The following KSR2 variants were observed in gnomAD, a reference collection of about 807,000 sequenced individuals.
KSR2 encodes kinase suppressor of ras 2.
Under a neutral mutation model 107.8 loss-of-function variants are expected in KSR2, and 25 were observed. That is an observed-to-expected ratio of 0.23 (90% CI 0.17 to 0.32). KSR2 has a LOEUF of 0.32. Ranked by LOEUF, KSR2 falls within the 10% of genes least tolerant of loss-of-function variation. KSR2 has a pLI of 1.00. For missense variants in KSR2, 887 were observed against 1,268.9 expected, an observed-to-expected ratio of 0.70 and a Z score of 4.57; for synonymous variants, 480 against 507.0, an observed-to-expected ratio of 0.95 and a Z score of 0.71.
At chr12:117,718,157 T>C (rs1887070077) in intron 4 of KSR2, among the ~76,000 whole-genome samples, 2 of 152,254 alleles carry the variant, frequency 1.3e-5, no homozygotes, top group African/African-American at 2.4e-5. Context: ...TTTTATGACT[T>C]TCAATTCATA....
At chr12:117,719,278 T>A (rs1320201214) in intron 4 of KSR2, among the ~76,000 whole-genome samples, 1 of 152,120 alleles carries the variant, frequency 6.6e-6, no homozygotes, top group Non-Finnish European at 1.5e-5. Context: ...CACTGCAACC[T>A]CTACCTCCCA....
rs577647443 is a variant in KSR2 at position 117,507,092 on chromosome 12, T to C, written c.2219+17760A>G. 4.6e-5 allele frequency among the ~76,000 whole-genome samples: 7 copies of C among 152,320 alleles called. No homozygotes were observed. The South Asian group carries it at 1.5e-3, about 32-fold the overall frequency. The stretch of plus-strand genomic sequence containing the variant: ...TCATTAAAATCCACCTGAAACACTA[T>C]TTGCCCCTCACATCTGCTTTGCATT... On this transcript the variant is annotated intron_variant, in intron 14 of 19. Coordinates refer to ENST00000339824, the MANE Select transcript of KSR2 (RefSeq NM_173598.6).
At chr12:117,786,589 G>A (rs573403806) in intron 3 of KSR2, among the ~76,000 whole-genome samples, 1 of 152,152 alleles carries the variant, frequency 6.6e-6, no homozygotes, top group Non-Finnish European at 1.5e-5. Context: ...GCCGAGGCAG[G>A]CAGATCCCCT....
At chr12:117,641,375 A>G (rs562416270) in intron 5 of KSR2, among the ~76,000 whole-genome samples, 112 of 152,024 alleles carry the variant, frequency 7.4e-4, no homozygotes, top group African/African-American at 2.6e-3. Context: ...AGAAGTTTTT[A>G]TTTTTCAAGG....
intron 2 of KSR2, among the ~76,000 whole-genome samples, chr12:117,858,315 A>G (rs1893167788): frequency 6.6e-6 from 1 of 152,202 alleles, no homozygotes; most frequent in African/African-American, 2.4e-5. Context: ...GCCCTGAGCC[A>G]TGCAAATACA....
chr12:117,831,890 C>A (rs992333294), intron 3 of KSR2, among the ~76,000 whole-genome samples: 1 of 152,196 alleles, frequency 6.6e-6, no homozygotes, highest in African/African-American at 2.4e-5. Flanking sequence ...AAGATGTCAT[C>A]ATCCCTTGAC....
rs549567500 is a variant in KSR2 at position 117,845,682 on chromosome 12, CT to C, written c.472+9745del. On this transcript the variant is annotated intron_variant, in intron 3 of 19. Coordinates refer to ENST00000339824, the MANE Select transcript of KSR2 (RefSeq NM_173598.6). ...AGCGGAACTGAGACTCTTTTTCTTT[CT>C]TTTTTTTTTTTTCCTGAGACAGGGT... Among the ~76,000 whole-genome samples the C allele has an allele frequency of 8.6e-3, 1,241 of 143,542 alleles. 10 individuals carry two copies. Among genetic ancestry groups the C allele is most frequent in the South Asian group, 0.028 (126 of 4,508 alleles). The allele number at this position is 143,542 out of a possible 152,430, so 94.2% of individuals were successfully genotyped here. A position where few individuals can be genotyped will look rare whatever the true frequency, so the allele number is the denominator to read the frequency against.
intron 3 of KSR2, among the ~76,000 whole-genome samples, chr12:117,847,594 G>A (rs374353412): frequency 2.6e-5 from 4 of 152,202 alleles, no homozygotes; most frequent in African/African-American, 9.7e-5. Flanking sequence ...TGCAGCCAGA[G>A]TGTTATTTAA....
chr12:117,729,180 C>G (rs1002583744), intron 4 of KSR2, among the ~76,000 whole-genome samples: 2 of 151,352 alleles, frequency 1.3e-5, no homozygotes, highest in African/African-American at 4.9e-5. Context: ...AGAATCAGTG[C>G]CCCTCGGGAG....
At chr12:117,876,360 C>T (rs1248971306) in intron 1 of KSR2, among the ~76,000 whole-genome samples, 1 of 152,214 alleles carries the variant, frequency 6.6e-6, no homozygotes, top group Non-Finnish European at 1.5e-5. Flanking sequence ...GCCCTGGATC[C>T]CAATGAGAAC....
chr12:117,793,707 C>T (rs1423842522), intron 3 of KSR2, among the ~76,000 whole-genome samples: 1 of 148,026 alleles, frequency 6.8e-6, no homozygotes, highest in African/African-American at 2.5e-5. Context: ...AACATGCACA[C>T]ACCATGCACA....
At chr12:117,625,541 C>G (rs1882446364) in intron 5 of KSR2, among the ~76,000 whole-genome samples, 1 of 152,290 alleles carries the variant, frequency 6.6e-6, no homozygotes, top group African/African-American at 2.4e-5. Context: ...CCTCACATCT[C>G]CGGGATGAAG....
chr12:117,802,371 CATTT>C (rs895820981), intron 3 of KSR2, among the ~76,000 whole-genome samples: 51 of 152,280 alleles, frequency 3.3e-4, no homozygotes, highest in African/African-American at 9.9e-4. Context: ...CAACATCCTT[CATTT>C]AATGACATTT....
intron 4 of KSR2, among the ~76,000 whole-genome samples, chr12:117,738,810 G>A (rs896908429): frequency 1.3e-5 from 2 of 152,182 alleles, no homozygotes; most frequent in Non-Finnish European, 2.9e-5. Flanking sequence ...AGGAGGCAGA[G>A]TTTGCAGGGA....
chr12:117,529,739 A>G (rs1309384662), intron 12 of KSR2, among the ~76,000 whole-genome samples: 1 of 151,140 alleles, frequency 6.6e-6, no homozygotes, highest in Admixed American at 6.6e-5. Flanking sequence ...GCAGTGGCTC[A>G]TGCCTGTAAT....
intron 1 of KSR2, among the ~76,000 whole-genome samples, chr12:117,909,007 G>C (rs1894938447): frequency 6.6e-6 from 1 of 152,070 alleles, no homozygotes. Flanking sequence ...GGCTTCAATA[G>C]GCACAGCTAA....
intron 1 of KSR2, among the ~76,000 whole-genome samples, chr12:117,875,431 A>T (rs1233983639): frequency 2.0e-5 from 3 of 151,718 alleles, no homozygotes; most frequent in African/African-American, 4.8e-5. Flanking sequence ...GGCCCTTGCA[A>T]GAACCATCCC....
chr12:117,957,269 C>T (rs755117704), intron 1 of KSR2, among the ~76,000 whole-genome samples: 2 of 152,130 alleles, frequency 1.3e-5, no homozygotes, highest in African/African-American at 2.4e-5. Flanking sequence ...ATTGGTGACT[C>T]TAAACCTCAA....
At chr12:117,571,109 T>C (rs1878864496) in intron 7 of KSR2, among the ~76,000 whole-genome samples, 1 of 151,956 alleles carries the variant, frequency 6.6e-6, no homozygotes, top group East Asian at 1.9e-4. Flanking sequence ...AATACAAAAA[T>C]TAGCCGGACA....
Sources: gnomAD v4.1 joint callset for allele counts (sites outside exome capture counted in the v4.1 genomes callset) on GRCh38, gnomAD v4.1.1 for gene constraint, MANE v1.5 for transcripts, NCBI Gene and HGNC (gene_info 2026-07-23, HGNC 2026-07-21) for gene names.